Variants in MAN1C1 observed in about 807,000 individuals in gnomAD.
MAN1C1 encodes mannosyl-oligosaccharide 1,2-alpha-mannosidase IC.
A neutral mutation model predicts 71.5 loss-of-function variants in MAN1C1; 49 were observed. The observed-to-expected ratio is 0.69, with a 90% CI of 0.54 to 0.87. MAN1C1 has a LOEUF of 0.87. Among genes scored for constraint, MAN1C1 ranks in the 40% least tolerant of loss-of-function variants. The pLI is 0.00. For synonymous variants in MAN1C1, 352 were observed against 343.7 expected (o/e 1.02, Z -0.27); for missense variants, 743 against 835.0 (o/e 0.89, Z 1.36).
rs535682157 is a variant in MAN1C1 at position 25,647,482 on chromosome 1, G to A, written c.540+29145G>A. ...TAGGCTGATATGTGATGGCGCTGGG[G>A]GTGCTTCACTGGGCTCCAGTATGGA... On this transcript the variant is annotated intron_variant, in intron 1 of 11. Coordinates refer to ENST00000374332, the MANE Select transcript of MAN1C1 (RefSeq NM_020379.4). Among the ~76,000 whole-genome samples the A allele has an allele frequency of 8.5e-5, 13 of 152,228 alleles. No homozygotes were observed. In the South Asian group the frequency reaches 2.1e-3, roughly 24 times the overall value.
At chr1:25,679,577 A>T (rs1332233349) in intron 1 of MAN1C1, among the ~76,000 whole-genome samples, 1 of 150,114 alleles carries the variant, frequency 6.7e-6, no homozygotes, top group East Asian at 1.9e-4. Flanking sequence ...AAAAAAAGGC[A>T]TTTCAGACTT....
chr1:25,650,981 A>G lies in MAN1C1; in HGVS notation c.540+32644A>G, dbSNP rs983830183. Among the ~76,000 whole-genome samples, 8 of 152,194 alleles carry G rather than the reference A, an allele frequency of 5.3e-5. No individual in the cohort carries two copies. In the East Asian group the frequency reaches 1.5e-3, roughly 29 times the overall value. Reference sequence around the variant, plus strand: ...AACTTTTTTTTTTACTTATTCATTCAGTAAGTAAGAACTCCTCCAAGGAGA... The same window carrying G: ...AACTTTTTTTTTTACTTATTCATTCGGTAAGTAAGAACTCCTCCAAGGAGA... On this transcript the variant is annotated intron_variant, in intron 1 of 11. Coordinates refer to ENST00000374332, the MANE Select transcript of MAN1C1 (RefSeq NM_020379.4).
intron 1 of MAN1C1, chr1:25,644,518 A>ATATATATAT (rs61386117): frequency 5.2e-4 from 21 of 40,298 alleles, no homozygotes; most frequent in African/African-American, 4.0e-3. Flanking sequence ...ATATATATAT[A>ATATATATAT]TTTTTTTTTT....
intron 1 of MAN1C1, among the ~76,000 whole-genome samples, chr1:25,652,679 G>A (rs896513284): frequency 1.3e-5 from 2 of 152,182 alleles, no homozygotes; most frequent in African/African-American, 4.8e-5. Flanking sequence ...ATCAGTGGTG[G>A]GCCCGGAGCA....
intron 2 of MAN1C1, among the ~76,000 whole-genome samples, chr1:25,688,277 A>G (rs2046261996): frequency 6.6e-6 from 1 of 152,242 alleles, no homozygotes; most frequent in Non-Finnish European, 1.5e-5. Context: ...TTACCTGCCT[A>G]GAACACAGAA....
chr1:25,667,321 T>A (rs890564770), intron 1 of MAN1C1, among the ~76,000 whole-genome samples: 2 of 151,682 alleles, frequency 1.3e-5, no homozygotes, highest in African/African-American at 4.8e-5. Flanking sequence ...CGGTCTCTAC[T>A]AAAAATACAA....
At chr1:25,660,805 C>G (rs894912547) in intron 1 of MAN1C1, among the ~76,000 whole-genome samples, 2 of 152,100 alleles carry the variant, frequency 1.3e-5, no homozygotes, top group African/African-American at 2.4e-5. Context: ...GTCCTCCCAC[C>G]TCAGCCTCCC....
chr1:25,719,836 T>G (rs1048206230), intron 2 of MAN1C1, among the ~76,000 whole-genome samples: 1 of 152,202 alleles, frequency 6.6e-6, no homozygotes, highest in Non-Finnish European at 1.5e-5. Context: ...TAGGCTGGAA[T>G]AGAGTGGCGC....
intron 2 of MAN1C1, among the ~76,000 whole-genome samples, chr1:25,696,872 C>T (rs1028684881): frequency 2.0e-5 from 3 of 152,180 alleles, no homozygotes; most frequent in Middle Eastern, 3.2e-3. Context: ...GTCTCAAACT[C>T]CTGGCCTCAA....
At chr1:25,684,769 C>T (rs935943624) in intron 1 of MAN1C1, among the ~76,000 whole-genome samples, 1 of 152,200 alleles carries the variant, frequency 6.6e-6, no homozygotes, top group Non-Finnish European at 1.5e-5. Context: ...GCCGCTAAGG[C>T]GGGAAACACA....
At chr1:25,758,741 A>G (rs1191076807) in intron 6 of MAN1C1, 32 bp downstream of exon 6, 1 of 1,580,390 alleles carries the variant, frequency 6.3e-7, no homozygotes, top group Non-Finnish European at 8.7e-7. Context: ...CTTCCTGCGG[A>G]GCAGAGGGAT....
intron 1 of MAN1C1, among the ~76,000 whole-genome samples, chr1:25,637,285 C>T (rs943678864): frequency 2.0e-5 from 3 of 152,056 alleles, no homozygotes; most frequent in Non-Finnish European, 4.4e-5. Flanking sequence ...GTCTTTATTT[C>T]CTTCCTTCTG....
chr1:25,681,616 G>A (rs531846493), intron 1 of MAN1C1, among the ~76,000 whole-genome samples: 2 of 152,316 alleles, frequency 1.3e-5, no homozygotes, highest in East Asian at 1.9e-4. Context: ...GAGGACAGAC[G>A]TCTAAGACCT....
At chr1:25,633,409 C>T (rs903865651) in intron 1 of MAN1C1, among the ~76,000 whole-genome samples, 1 of 151,940 alleles carries the variant, frequency 6.6e-6, no homozygotes, top group East Asian at 1.9e-4. Context: ...GTCCCTCACT[C>T]ATTTCTTAGA....
At chr1:25,652,193 G>T (rs1022592478) in intron 1 of MAN1C1, among the ~76,000 whole-genome samples, 1 of 152,208 alleles carries the variant, frequency 6.6e-6, no homozygotes, top group Non-Finnish European at 1.5e-5. Context: ...TCCTGCTGCC[G>T]CATGTCAGGC....
At chr1:25,620,395 C>T (rs1294064754) in intron 1 of MAN1C1, among the ~76,000 whole-genome samples, 2 of 152,166 alleles carry the variant, frequency 1.3e-5, no homozygotes, top group African/African-American at 4.8e-5. Context: ...AACCTATTGT[C>T]TCTTCAGGCT....
In MAN1C1 at chr1:25,746,907, G is replaced by A; in HGVS notation, c.753+124G>A. The A allele has an allele frequency of 2.9e-6, 2 of 680,392 alleles. No homozygotes were observed. Among genetic ancestry groups the A allele is most frequent in the Non-Finnish European group, 5.0e-6 (2 of 397,306 alleles). 42.1% of individuals were successfully genotyped at this position (680,392 alleles called of 1,614,324 possible). On this transcript the variant is annotated intron_variant, in intron 3 of 11. Coordinates refer to ENST00000374332, the MANE Select transcript of MAN1C1 (RefSeq NM_020379.4). The surrounding 1 kb of genome is among the most constrained non-coding windows in gnomAD (Gnocchi z 4.0). ...GTCTCTCCCACGGCTGCACAGCCCA[G>A]CAGTCTCGGAACCGGAGCTGCCGTG... is the stretch of plus-strand genomic sequence containing the variant.
intron 1 of MAN1C1, among the ~76,000 whole-genome samples, chr1:25,632,067 C>T (rs534986534): frequency 1.9e-4 from 29 of 152,296 alleles, no homozygotes; most frequent in African/African-American, 5.8e-4. Context: ...TGCGGGCTGC[C>T]GTGTCCAGCC....
chr1:25,720,897 A>G (rs1045482708), intron 2 of MAN1C1, among the ~76,000 whole-genome samples: 7 of 152,290 alleles, frequency 4.6e-5, no homozygotes, highest in Admixed American at 2.0e-4. Context: ...TGGATATCCA[A>G]TTGTTCCAGC....
Sources: gnomAD v4.1 joint callset for allele counts (sites outside exome capture counted in the v4.1 genomes callset) on GRCh38, gnomAD v4.1.1 for gene constraint, Gnocchi (gnomAD v3.1) non-coding constraint, MANE v1.5 for transcripts, NCBI Gene and HGNC (gene_info 2026-07-23, HGNC 2026-07-21) for gene names.